Variants in GPR176 observed in about 807,000 individuals in gnomAD.
The protein encoded by GPR176 is G protein-coupled receptor 176, also known as G-protein coupled receptor 176.
A neutral mutation model predicts 35.4 loss-of-function variants in GPR176; 26 were observed. The observed-to-expected ratio is 0.74, with a 90% CI of 0.54 to 1.02. GPR176 has a LOEUF of 1.02. Ranked by LOEUF, GPR176 falls within the 50% of genes least tolerant of loss-of-function variation. The probability of loss-of-function intolerance (pLI) is 0.00; values close to 1 mark genes in which losing one functional copy is unlikely to be tolerated. For synonymous variants in GPR176, 278 were observed against 271.3 expected (o/e 1.02, Z -0.24); for missense variants, 597 against 665.3 (o/e 0.90, Z 1.13).
Position 39,917,741 on chromosome 15 carries a change from G to A in GPR176, c.172+2114C>T, listed in dbSNP as rs117749400. Among the ~76,000 whole-genome samples the A allele has an allele frequency of 3.3e-3, 496 of 151,982 alleles. 4 individuals are homozygous for A. The East Asian group carries it at 0.04, about 12-fold the overall frequency. On this transcript the variant is annotated intron_variant, in intron 1 of 2. Transcript: ENST00000561100. ...TCTCTTTTAGGAGGGTCCATGTAAC[G>A]TGGAAGGGGTAATAGAAGACTCCCA...
chr15:39,820,680 C>T (rs1214319975), intron 1 of GPR176, among the ~76,000 whole-genome samples: 1 of 152,146 alleles, frequency 6.6e-6, no homozygotes, highest in Non-Finnish European at 1.5e-5. Context: ...GCAGATGTAA[C>T]ATGATTTTGG....
At chr15:39,851,149 A>T (rs1218052259) in intron 1 of GPR176, among the ~76,000 whole-genome samples, 5 of 152,184 alleles carry the variant, frequency 3.3e-5, no homozygotes, top group Admixed American at 6.5e-5. Flanking sequence ...GAAACATTTG[A>T]GATTTAAGAT....
chr15:39,864,922 C>A (rs1471302410), intron 1 of GPR176, among the ~76,000 whole-genome samples: 2 of 146,370 alleles, frequency 1.4e-5, no homozygotes, highest in African/African-American at 5.0e-5. Context: ...AAATGGCCAG[C>A]AGGCATGTGG....
chr15:39,807,107 G>T lies in GPR176; in HGVS notation c.324C>A (p.Cys108Ter), dbSNP rs1177403285. ...DIILSTSPHC[C>*]WWIYTMLFCK... Reference sequence around the variant, plus strand: ...AGAAGAGCATGGTGTAGATCCACCAGCAACAGTGAGGACTGGTGCTGAGGA... The same window carrying T: ...AGAAGAGCATGGTGTAGATCCACCATCAACAGTGAGGACTGGTGCTGAGGA... The change falls in exon 2 of 3, where the codon TGC (cysteine) becomes TGA (stop). Residue 108 changes from cysteine to a stop codon, truncating the protein, a stop_gained. Transcript: ENST00000561100. LOFTEE classifies it high-confidence loss of function. 6.2e-7 allele frequency: 1 copy of T among 1,609,556 alleles called. No homozygotes were observed. Among genetic ancestry groups the T allele is most frequent in the South Asian group, 1.1e-5 (1 of 90,600 alleles).
intron 1 of GPR176, among the ~76,000 whole-genome samples, chr15:39,892,710 A>C (rs2032921665): frequency 6.6e-6 from 1 of 152,244 alleles, no homozygotes; most frequent in African/African-American, 2.4e-5. Flanking sequence ...AAGCCAAGGA[A>C]GGCCAAGGAT....
intron 1 of GPR176, among the ~76,000 whole-genome samples, chr15:39,916,345 G>C (rs1323833862): frequency 6.6e-6 from 1 of 152,128 alleles, no homozygotes; most frequent in Non-Finnish European, 1.5e-5. Flanking sequence ...CCAAGATGTT[G>C]TATAAAGAAG....
Position 39,816,495 on chromosome 15 carries a change from C to T in GPR176, c.173-9237G>A, listed in dbSNP as rs552961566. On this transcript the variant is annotated intron_variant, in intron 1 of 2. Transcript: ENST00000561100. Reference sequence around the variant, plus strand: ...AAACATGACATGCCTTAATAGAATGCCAATATGAATTAAAAACCACACAAG... The same window carrying T: ...AAACATGACATGCCTTAATAGAATGTCAATATGAATTAAAAACCACACAAG... 9.9e-5 allele frequency among the ~76,000 whole-genome samples: 15 copies of T among 152,130 alleles called. No individual in the cohort carries two copies. The East Asian group carries it at 2.9e-3, about 29-fold the overall frequency.
chr15:39,915,706 C>A (rs1462932137), intron 1 of GPR176, among the ~76,000 whole-genome samples: 1 of 152,018 alleles, frequency 6.6e-6, no homozygotes, highest in East Asian at 1.9e-4. Flanking sequence ...GAAACCCCGT[C>A]TCTACTAAAA....
chr15:39,888,901 TG>T (rs796808628), intron 1 of GPR176, among the ~76,000 whole-genome samples: 67 of 152,326 alleles, frequency 4.4e-4, no homozygotes, highest in African/African-American at 1.6e-3. Flanking sequence ...GTTAGGGGAC[TG>T]GAACTCCCAG....
intron 1 of GPR176, among the ~76,000 whole-genome samples, chr15:39,898,082 A>G (rs2033172230): frequency 6.6e-6 from 1 of 152,234 alleles, no homozygotes; most frequent in Non-Finnish European, 1.5e-5. Flanking sequence ...ATTAGTGAAA[A>G]CATTCTCATC....
rs59388406 is a variant in GPR176, at chr15:39,831,994, GCACACACA to G, written c.173-24744_173-24737del. Among the ~76,000 whole-genome samples the G allele has an allele frequency of 9.3e-4, 136 of 146,914 alleles. 1 individual carries two copies. The highest frequency in any genetic ancestry group is 3.1e-3 in the African/African-American group (123 of 39,810). On this transcript the variant is annotated intron_variant, in intron 1 of 2. Transcript: ENST00000561100. ...CCTCTAATATCACACACATGTGCATGCACACACACACACACACACACACACACACACAC... is the reference window on the plus strand; with the variant it reads ...CCTCTAATATCACACACATGTGCATGCACACACACACACACACACACACAC...
intron 1 of GPR176, among the ~76,000 whole-genome samples, chr15:39,900,238 AAAG>A (rs1222022105): frequency 4.6e-5 from 7 of 152,208 alleles, no homozygotes; most frequent in South Asian, 4.1e-4. Flanking sequence ...AAAAAAAAAA[AAAG>A]AAGAAGCCTA....
intron 1 of GPR176, among the ~76,000 whole-genome samples, chr15:39,878,095 C>CGTGTGTGTGTGTGTGTGTGTGTGT (rs1411063695): frequency 3.9e-4 from 16 of 40,876 alleles, no homozygotes; most frequent in Non-Finnish European, 1.4e-4. Context: ...CCCATAGTTA[C>CGTGTGTGTGTGTGTGTGTGTGTGT]CTGTGTGTGT....
rs2140825305 is a variant in GPR176, at chr15:39,829,288, G to T, written c.173-22030C>A. 2.1e-6 allele frequency: 3 copies of T among 1,410,730 alleles called. No individual in the cohort carries two copies. The South Asian group carries it at 4.5e-5, about 21-fold the overall frequency. 87.4% of individuals were successfully genotyped at this position (1,410,730 alleles called of 1,614,324 possible). On this transcript the variant is annotated intron_variant, in intron 1 of 2. Transcript: ENST00000561100. ...CGGGCATCAGAATGGATCAGGGAAA[G>T]AACTTGGTGAGAGTAAGAAAGCCAT...
In GPR176 at chr15:39,920,032, G is replaced by A; in HGVS notation, c.-6C>T. 1 of 1,320,796 alleles carries A rather than the reference G, an allele frequency of 7.6e-7. No individual in the cohort carries two copies. The highest frequency in any genetic ancestry group is 9.7e-7 in the Non-Finnish European group (1 of 1,028,526). 81.8% of individuals were successfully genotyped at this position (1,320,796 alleles called of 1,614,324 possible). ...CAGCTCCCGTTATGTCCCATGGCGA[G>A]GCTGGGACTCCGGCTCCGCGCGCCG... On this transcript the variant is annotated 5_prime_UTR_variant, in exon 1 of 3. Coordinates refer to ENST00000561100, the MANE Select transcript of GPR176 (RefSeq NM_007223.3).
intron 1 of GPR176, chr15:39,909,962 C>T: frequency 1.5e-6 from 1 of 680,552 alleles, no homozygotes; most frequent in Non-Finnish European, 1.8e-6. Flanking sequence ...TCTTTAAATG[C>T]TTTCATAGCT....
At chr15:39,852,417 T>C (rs895569311) in intron 1 of GPR176, among the ~76,000 whole-genome samples, 11 of 152,214 alleles carry the variant, frequency 7.2e-5, no homozygotes, top group African/African-American at 2.7e-4. Flanking sequence ...AGTTCAGCAC[T>C]CTGTTTAACT....
intron 1 of GPR176, among the ~76,000 whole-genome samples, chr15:39,868,814 G>T (rs552148764): frequency 2.0e-5 from 3 of 152,116 alleles, no homozygotes; most frequent in Non-Finnish European, 2.9e-5. Context: ...GTGCCCATAC[G>T]AAGGGGCAGG....
At chr15:39,839,055 A>G (rs890399793) in intron 1 of GPR176, among the ~76,000 whole-genome samples, 2 of 152,180 alleles carry the variant, frequency 1.3e-5, no homozygotes, top group Non-Finnish European at 2.9e-5. Flanking sequence ...AAACGGCCAT[A>G]CTGCCCAAGG....
Sources: allele counts gnomAD v4.1 joint callset (sites outside exome capture counted in the v4.1 genomes callset), GRCh38; gene constraint gnomAD v4.1.1; transcripts MANE v1.5; gene names NCBI Gene and HGNC (gene_info 2026-07-23, HGNC 2026-07-21).